Variants in FKRP observed in about 807,000 individuals in gnomAD.
The protein encoded by FKRP is fukutin related protein.
Under a neutral mutation model 30.6 loss-of-function variants are expected in FKRP, and 25 were observed. The observed-to-expected ratio is 0.82, with a 90% CI of 0.60 to 1.14. The LOEUF is 1.14. Among genes scored for constraint, FKRP ranks in the 50% most tolerant of loss-of-function variants. The pLI is 0.00. For synonymous variants in FKRP, 358 were observed against 342.5 expected (o/e 1.05, Z -0.50); for missense variants, 771 against 727.8 (o/e 1.06, Z -0.68).
At chr19:46,750,998 G>A (rs2054780782) in intron 3 of FKRP, among the ~76,000 whole-genome samples, 1 of 151,688 alleles carries the variant, frequency 6.6e-6, no homozygotes, top group South Asian at 2.1e-4. Flanking sequence ...TAAAATCCAC[G>A]TGATAACTAC....
At chr19:46,746,385 A>AGGAGGC (rs2054617825) in intron 1 of FKRP, 2 of 1,087,200 alleles carry the variant, frequency 1.8e-6, no homozygotes, top group South Asian at 8.8e-5. Context: ...GGACGGCAGG[A>AGGAGGC]GGAGGCGGCG....
intron 3 of FKRP, among the ~76,000 whole-genome samples, chr19:46,755,121 C>T (rs2122602364): frequency 6.6e-6 from 1 of 151,684 alleles, no homozygotes; most frequent in Admixed American, 6.6e-5. Context: ...ACTCCCCATT[C>T]CCCCCTGCCT....
chr19:46,753,028 T>C (rs2054823241), intron 3 of FKRP, among the ~76,000 whole-genome samples: 1 of 150,318 alleles, frequency 6.7e-6, no homozygotes, highest in Non-Finnish European at 1.5e-5. Flanking sequence ...TAGCCGGGCA[T>C]GGTGGCACGC....
rs746533953 is a variant in FKRP, at chr19:46,756,703, G to A, written c.1253G>A (p.Trp418Ter). 19 of 1,612,354 alleles carry A rather than the reference G, an allele frequency of 1.2e-5. No individual in the cohort carries two copies. Among genetic ancestry groups the A allele is most frequent in the Non-Finnish European group, 8.5e-7 (1 of 1,179,450 alleles). Residue 418 changes from tryptophan (W) to a stop codon, truncating the protein, a stop_gained, in exon 4 of 4, where the codon TGG becomes TAG. Transcript: ENST00000318584. LOFTEE classifies it high-confidence loss of function. The surrounding 1 kb of genome is among the most constrained non-coding windows in gnomAD (Gnocchi z 6.6). Reference protein sequence around the residue: ...SESNHLHVDLWPFYPRNGVMT... With the variant: ...SESNHLHVDL ...AGCAACCACTTGCACGTGGACCTGT[G>A]GCCCTTCTACCCCCGCAATGGCGTC...
Position 46,756,144 on chromosome 19 carries a change from G to C in FKRP, c.694G>C (p.Ala232Pro). 4.1e-6 allele frequency: 6 copies of C among 1,480,154 alleles called. No individual in the cohort carries two copies. Among genetic ancestry groups the C allele is most frequent in the Non-Finnish European group, 5.3e-6 (6 of 1,124,258 alleles). The allele number at this position is 1,480,154 out of a possible 1,614,324, so 91.7% of individuals were successfully genotyped here. The change falls in exon 4 of 4, where the codon GCG becomes CCG. Residue 232 changes from alanine to proline, a missense_variant. Ala to Pro is a conservative substitution (Grantham distance 27, BLOSUM62 -1). Transcript: ENST00000318584. This position sits in a 1 kb window ranked among gnomAD's most constrained non-coding sequence, Gnocchi z 6.6. ...TCTGCAGACCGCCCTTCGCGGCTGG[G>C]CGGTGCAGCTGCTGGACTTGACCTT... ...LFLQTALRGW[A>P]VQLLDLTFAA...
chr19:46,746,217 TAA>T, intron 1 of FKRP, 127 bp downstream of exon 1: 1 of 1,536,722 alleles, frequency 6.5e-7, no homozygotes, highest in Non-Finnish European at 8.7e-7. Context: ...TCGTGCTGGA[TAA>T]AGTGCAGGAT....
chr19:46,754,318 G>C (rs571770717), intron 3 of FKRP: 1 of 149,492 alleles, frequency 6.7e-6, no homozygotes, highest in East Asian at 1.9e-4. Flanking sequence ...GATCACAGGT[G>C]TGAGTCACTG....
chr19:46,753,457 CAA>C (rs1274965285), intron 3 of FKRP, among the ~76,000 whole-genome samples: 4 of 118,764 alleles, frequency 3.4e-5, no homozygotes, highest in Non-Finnish European at 5.4e-5. Flanking sequence ...GACTCCATCT[CAA>C]AAAAAAAAAA....
intron 1 of FKRP, chr19:46,747,246 GC>G (rs1466891983): frequency 1.3e-5 from 2 of 152,578 alleles, no homozygotes; most frequent in African/African-American, 4.8e-5. Context: ...GAGATGCTCT[GC>G]TGAGGGGCAG....
Position 46,755,977 on chromosome 19 carries a change from GAGAGTGGACCGCCCGCTAT to G in FKRP, c.528_546del (p.Glu177AlafsTer56). 6.5e-7 allele frequency: 1 copy of G among 1,541,796 alleles called. No homozygotes were observed. The highest frequency in any genetic ancestry group is 8.7e-7 in the Non-Finnish European group (1 of 1,150,780). On this transcript the variant is annotated frameshift_variant, in exon 4 of 4. Coordinates refer to ENST00000318584, the MANE Select transcript of FKRP (RefSeq NM_024301.5). LOFTEE classifies it high-confidence loss of function. ...TGCCTGGCCCTGAACGTCAGCCTGC[GAGAGTGGACCGCCCGCTAT>G]GGCGCAGCCCCCGCCGCGCCCCGCT...
intron 3 of FKRP, chr19:46,754,449 C>A (rs1248155371): frequency 7.3e-6 from 1 of 137,036 alleles, no homozygotes. Context: ...TGGAGTGCAA[C>A]GGTGCCATCT....
At chr19:46,753,465 A>G (rs550695176) in intron 3 of FKRP, among the ~76,000 whole-genome samples, 113 of 149,338 alleles carry the variant, frequency 7.6e-4, no homozygotes, top group African/African-American at 2.7e-3. Flanking sequence ...CTCAAAAAAA[A>G]AAAAGAAAAG....
intron 3 of FKRP, chr19:46,749,084 A>AACGAG (rs2054733893): frequency 6.6e-6 from 1 of 152,212 alleles, no homozygotes; most frequent in South Asian, 2.1e-4. Flanking sequence ...TGACCTAATG[A>AACGAG]GTACCTCGTT....
chr19:46,751,256 A>G (rs1343048085), intron 3 of FKRP, among the ~76,000 whole-genome samples: 1 of 151,874 alleles, frequency 6.6e-6, no homozygotes, highest in African/African-American at 2.4e-5. Flanking sequence ...TAGAGATGGC[A>G]TCTTACTATG....
chr19:46,752,153 G>A (rs1232678415), intron 3 of FKRP, among the ~76,000 whole-genome samples: 4 of 152,258 alleles, frequency 2.6e-5, no homozygotes, highest in South Asian at 2.1e-4. Context: ...CTTTTCCTGC[G>A]AGGTGCCAGC....
intron 1 of FKRP, chr19:46,747,766 AAC>A (rs1177079488): frequency 6.6e-6 from 1 of 152,150 alleles, no homozygotes; most frequent in African/African-American, 2.4e-5. Flanking sequence ...TTGTCATGGT[AAC>A]AGCTTCTGTT....
upstream of FKRP, chr19:46,746,054 G>C: frequency 3.4e-6 from 4 of 1,172,850 alleles, no homozygotes; most frequent in African/African-American, 1.7e-5. Flanking sequence ...CCGTCCCGGC[G>C]GCCATTGCTC....
At position 46,750,046 on chromosome 19, in the gene FKRP, C is replaced by T. The variant is rs577081339; in HGVS notation, c.-40+1381C>T. Among the ~76,000 whole-genome samples, 15 of 152,238 alleles carry T rather than the reference C, an allele frequency of 9.9e-5. No individual in the cohort carries two copies. The South Asian group carries it at 1.2e-3, about 13-fold the overall frequency. ...TCCATTTTTAAATGTGATCATAACACGAGGATTAAACAAGTGAATATGCCT... is the reference window on the plus strand; with the variant it reads ...TCCATTTTTAAATGTGATCATAACATGAGGATTAAACAAGTGAATATGCCT... On this transcript the variant is annotated intron_variant, in intron 3 of 3. Transcript: ENST00000318584.
upstream of FKRP, among the ~76,000 whole-genome samples, chr19:46,745,153 C>T (rs2054555633): frequency 6.6e-6 from 1 of 152,040 alleles, no homozygotes; most frequent in Admixed American, 6.6e-5. Flanking sequence ...GGCACCATCC[C>T]AGGACCCTCA....
Sources: allele counts gnomAD v4.1 joint callset (sites outside exome capture counted in the v4.1 genomes callset), GRCh38; gene constraint gnomAD v4.1.1; non-coding constraint Gnocchi (gnomAD v3.1); transcripts MANE v1.5; gene names NCBI Gene and HGNC (gene_info 2026-07-23, HGNC 2026-07-21).